The following FAM135A variants were observed in gnomAD, a reference collection of about 807,000 sequenced individuals.
The protein encoded by FAM135A is protein FAM135A.
In FAM135A, 79 loss-of-function variants were observed where a neutral mutation model predicts 146.8. The ratio of observed to expected loss-of-function variants is 0.54; its 90% CI spans 0.45 to 0.65. FAM135A has a LOEUF of 0.65. FAM135A is among the 30% of genes least tolerant of loss of function. FAM135A has a pLI of 0.00. For missense variants in FAM135A, 1,623 were observed against 1,758.2 expected (o/e 0.92, Z 1.38); for synonymous variants, 562 against 603.6 (o/e 0.93, Z 1.01).
chr6:70,414,021 C>G (rs763427290), intron 1 of FAM135A: 1 of 985,678 alleles, frequency 1.0e-6, no homozygotes, highest in African/African-American at 1.7e-5. Flanking sequence ...CGTGTTTGCC[C>G]TTCACCCCTG....
At chr6:70,465,651 A>T (rs1421666410) in intron 5 of FAM135A, among the ~76,000 whole-genome samples, 1 of 152,128 alleles carries the variant, frequency 6.6e-6, no homozygotes, top group African/African-American at 2.4e-5. Context: ...AAGTGCTAAG[A>T]TAACAGGCGT....
intron 5 of FAM135A, among the ~76,000 whole-genome samples, chr6:70,460,980 C>G (rs564554924): frequency 6.6e-6 from 1 of 151,654 alleles, no homozygotes; most frequent in Admixed American, 6.6e-5. Flanking sequence ...CGCACCACCA[C>G]GCCTGACTGA....
chr6:70,524,957 A>C lies in FAM135A; in HGVS notation c.1873A>C (p.Ser625Arg), dbSNP rs1285414158. The change falls in exon 15 of 22, where the codon AGT (serine) becomes CGT (arginine). Residue 625 changes from serine to arginine, a missense_variant. Ser to Arg is a moderately radical substitution (Grantham distance 110). Coordinates refer to ENST00000418814, the MANE Select transcript of FAM135A (RefSeq NM_001162529.3). The part of the protein sequence containing the change: ...SGKLDISQDD[S>R]EITQMEHNLA... ...TAAACTTGATATCTCCCAGGACGATAGTGAAATTACACAAATGGAACACAA... is the reference window on the plus strand; with the variant it reads ...TAAACTTGATATCTCCCAGGACGATCGTGAAATTACACAAATGGAACACAA... 3 of 1,606,090 alleles carry C rather than the reference A, an allele frequency of 1.9e-6. No homozygotes were observed. The highest frequency in any genetic ancestry group is 2.5e-6 in the Non-Finnish European group (3 of 1,177,144).
At chr6:70,552,187 G>T (rs994383671) in intron 20 of FAM135A, among the ~76,000 whole-genome samples, 1 of 152,066 alleles carries the variant, frequency 6.6e-6, no homozygotes, top group Admixed American at 6.5e-5. Flanking sequence ...CTGGCAAAAT[G>T]TTATATTACT....
At chr6:70,468,353 G>A (rs934171169) in intron 5 of FAM135A, among the ~76,000 whole-genome samples, 1 of 152,092 alleles carries the variant, frequency 6.6e-6, no homozygotes, top group Non-Finnish European at 1.5e-5. Context: ...CCAATATAAT[G>A]GACAGTGCAA....
intron 20 of FAM135A, among the ~76,000 whole-genome samples, chr6:70,552,465 C>CTTTT (rs35509125): frequency 2.1e-5 from 2 of 96,828 alleles, no homozygotes; most frequent in African/African-American, 4.2e-5. Context: ...GTTGAAGATT[C>CTTTT]TTTTTTTTTT....
chr6:70,503,359 T>C (rs1304042120), intron 12 of FAM135A: 2 of 152,308 alleles, frequency 1.3e-5, no homozygotes, highest in East Asian at 3.9e-4. Context: ...CTTGTTTCCT[T>C]ATATACTCTG....
chr6:70,420,466 T>TA (rs1239629568), intron 2 of FAM135A, among the ~76,000 whole-genome samples: 2 of 152,232 alleles, frequency 1.3e-5, no homozygotes, highest in East Asian at 3.8e-4. Flanking sequence ...TTTTTCCAGA[T>TA]ATCCATGCCT....
At chr6:70,417,191 A>G (rs76784072) in intron 2 of FAM135A, among the ~76,000 whole-genome samples, 19,695 of 152,018 alleles carry the variant, frequency 0.13, 1,506 homozygotes, top group Middle Eastern at 0.19. Context: ...TTAGGTCTCT[A>G]TGAGATCATA....
At chr6:70,529,317 G>C (rs570351523) in intron 16 of FAM135A, among the ~76,000 whole-genome samples, 61 of 150,634 alleles carry the variant, frequency 4.0e-4, no homozygotes, top group African/African-American at 1.5e-3. Context: ...AATATCTCTA[G>C]AACAATGCAA....
intron 20 of FAM135A, among the ~76,000 whole-genome samples, chr6:70,539,246 C>T (rs1456870574): frequency 4.6e-5 from 7 of 152,096 alleles, no homozygotes; most frequent in African/African-American, 1.7e-4. Flanking sequence ...TTTTCTTCCC[C>T]TCCTCGCCCC....
At chr6:70,458,922 A>G (rs1453625739) in intron 5 of FAM135A, among the ~76,000 whole-genome samples, 1 of 152,160 alleles carries the variant, frequency 6.6e-6, no homozygotes, top group East Asian at 1.9e-4. Context: ...TACAGTGTGT[A>G]TCTTTTCACT....
chr6:70,455,432 G>A (rs554411267), intron 5 of FAM135A, among the ~76,000 whole-genome samples: 1 of 152,072 alleles, frequency 6.6e-6, no homozygotes, highest in East Asian at 1.9e-4. Flanking sequence ...ACATGTGTAT[G>A]TGTGTGTATA....
intron 17 of FAM135A, 77 bp from the exon 18 acceptor site, chr6:70,533,677 TAAA>T: frequency 2.4e-6 from 2 of 845,608 alleles, no homozygotes; most frequent in Non-Finnish European, 3.6e-6. Context: ...GTACCTAAAT[TAAA>T]AATGTTTATA....
At chr6:70,476,020 A>C (rs1319383573) in intron 7 of FAM135A, among the ~76,000 whole-genome samples, 1 of 152,210 alleles carries the variant, frequency 6.6e-6, no homozygotes, top group Non-Finnish European at 1.5e-5. Context: ...GAGGCATTTA[A>C]ATGTAAATGA....
At chr6:70,421,875 A>G (rs1768929650) in intron 2 of FAM135A, among the ~76,000 whole-genome samples, 1 of 152,220 alleles carries the variant, frequency 6.6e-6, no homozygotes, top group Non-Finnish European at 1.5e-5. Flanking sequence ...CAGACTGTGC[A>G]GGAGGGTCAT....
intron 20 of FAM135A, among the ~76,000 whole-genome samples, chr6:70,538,669 C>T (rs1797219665): frequency 6.6e-6 from 1 of 151,818 alleles, no homozygotes; most frequent in Non-Finnish European, 1.5e-5. Context: ...ATTTGTAACT[C>T]AGTGCCAGTT....
chr6:70,484,628 G>A (rs551297964), intron 10 of FAM135A, among the ~76,000 whole-genome samples: 8 of 152,220 alleles, frequency 5.3e-5, no homozygotes, highest in Admixed American at 3.3e-4. Flanking sequence ...TTCTCATAAG[G>A]AGCATGCAAC....
At chr6:70,470,604 G>A (rs1353508737) in intron 5 of FAM135A, among the ~76,000 whole-genome samples, 3 of 152,208 alleles carry the variant, frequency 2.0e-5, no homozygotes, top group East Asian at 1.9e-4. Flanking sequence ...TGATCTGCCC[G>A]CCTCAGCCTC....
Sources: allele counts gnomAD v4.1 joint callset (sites outside exome capture counted in the v4.1 genomes callset), GRCh38; gene constraint gnomAD v4.1.1; transcripts MANE v1.5; gene names NCBI Gene and HGNC (gene_info 2026-07-23, HGNC 2026-07-21).